DNPEP: variants seen among roughly 807,000 people sequenced by gnomAD.
DNPEP encodes the protein aspartyl aminopeptidase.
A neutral mutation model predicts 59.1 loss-of-function variants in DNPEP; 46 were observed. That is an observed-to-expected ratio of 0.78 (90% CI 0.61 to 0.99). DNPEP has a LOEUF of 0.99. Among genes scored for constraint, DNPEP ranks in the 50% least tolerant of loss-of-function variants. DNPEP has a pLI of 0.00. For missense variants in DNPEP, 617 were observed against 649.9 expected (o/e 0.95, Z 0.55); for synonymous variants, 229 against 242.2 (o/e 0.95, Z 0.50).
At chr2:219,392,992 T>C (rs532888467), upstream of DNPEP, among the ~76,000 whole-genome samples, 1 of 152,236 alleles carries the variant, frequency 6.6e-6, no homozygotes, top group African/African-American at 2.4e-5. Flanking sequence ...AACCAGCTCC[T>C]CCCCTGCTCC....
At chr2:219,377,166 T>A (rs1350400629) in intron 13 of DNPEP, among the ~76,000 whole-genome samples, 1 of 147,554 alleles carries the variant, frequency 6.8e-6, no homozygotes, top group Admixed American at 7.0e-5. Flanking sequence ...CCCAGCTACT[T>A]TGGAGGCTGA....
intron 1 of DNPEP, chr2:219,399,538 A>G (rs1333995031): frequency 1.9e-6 from 1 of 525,510 alleles, no homozygotes; most frequent in African/African-American, 1.9e-5. Context: ...CACCCTGAGA[A>G]ACACTAATCT....
upstream of DNPEP, chr2:219,393,668 T>G (rs1293132078): frequency 2.0e-5 from 3 of 152,302 alleles, no homozygotes; most frequent in East Asian, 1.9e-4. Context: ...GCCATTTGCT[T>G]CTTTGCTTTC....
Position 219,381,384 on chromosome 2 carries a change from G to C in DNPEP, c.1190C>G (p.Ser397Ter). 1 of 1,614,206 alleles carries C rather than the reference G, an allele frequency of 6.2e-7. No homozygotes were observed. Among genetic ancestry groups the C allele is most frequent in the Non-Finnish European group, 8.5e-7 (1 of 1,180,040 alleles). ...GGCCACCTCTCGGATCAGGGCCTCT[G>C]ACACCGCGTTTGAAGCATAGCGTTG... ...SKQRYASNAV[S>*]EALIREVANK... Residue 397 changes from serine to a stop codon, truncating the protein, a stop_gained, in exon 13 of 15, where the codon TCA becomes TGA. Transcript: ENST00000273075. LOFTEE classifies it high-confidence loss of function.
chr2:219,387,833 G>A lies in DNPEP; in HGVS notation c.-39C>T. ...TCGGCCCGCCCCCACCGCGCCGCCTGCCCCGCCCCTCACTAGCTTTGCAGG... is the reference window on the plus strand; with the variant it reads ...TCGGCCCGCCCCCACCGCGCCGCCTACCCCGCCCCTCACTAGCTTTGCAGG... On this transcript the variant is annotated 5_prime_UTR_variant, in exon 1 of 15. Transcript: ENST00000273075. The A allele has an allele frequency of 6.5e-7, 1 of 1,527,420 alleles. No individual in the cohort carries two copies. The highest frequency in any genetic ancestry group is 8.8e-7 in the Non-Finnish European group (1 of 1,142,312). 94.6% of individuals were successfully genotyped at this position (1,527,420 alleles called of 1,614,324 possible).
At chr2:219,385,945 C>T (rs993339738) in intron 6 of DNPEP, 23 bp downstream of exon 6, 3 of 1,612,954 alleles carry the variant, frequency 1.9e-6, no homozygotes, top group Non-Finnish European at 2.5e-6. Flanking sequence ...CTCCCAGCCA[C>T]CGCAGCCCTG....
chr2:219,374,202 A>G lies in DNPEP; in HGVS notation c.*90T>C. ...AAGCGTAGCACGGAGAGTCTGAGTG[A>G]CAATCCACTTTAATAATCCAGCTTC... On this transcript the variant is annotated 3_prime_UTR_variant, in exon 15 of 15. Transcript: ENST00000273075. 8.0e-7 allele frequency: 1 copy of G among 1,254,194 alleles called. No homozygotes were observed. Among genetic ancestry groups the G allele is most frequent in the Non-Finnish European group, 1.2e-6 (1 of 856,122 alleles). The allele number at this position is 1,254,194 out of a possible 1,614,324, so 77.7% of individuals were successfully genotyped here.
chr2:219,387,861 C>T lies in DNPEP; in HGVS notation c.-67G>A, dbSNP rs1199036553. The T allele has an allele frequency of 9.4e-6, 14 of 1,494,752 alleles. No individual in the cohort carries two copies. The highest frequency in any genetic ancestry group is 1.2e-5 in the Non-Finnish European group (14 of 1,123,880). 92.6% of individuals were successfully genotyped at this position (1,494,752 alleles called of 1,614,324 possible). On this transcript the variant is annotated 5_prime_UTR_variant, in exon 1 of 15. Coordinates refer to ENST00000273075, the MANE Select transcript of DNPEP (RefSeq NM_012100.4). ...CCGCCCCTCACTAGCTTTGCAGGTC[C>T]CCCGCGTGCCCCTTCAGGCCGCGCC...
exon 1 of DNPEP, chr2:219,399,989 C>A: frequency 7.4e-7 from 1 of 1,343,894 alleles, no homozygotes; most frequent in Non-Finnish European, 1.0e-6. Flanking sequence ...CCTTTTTTGC[C>A]GGATCCTTCC....
At chr2:219,399,478 G>C (rs190627733) in intron 1 of DNPEP, 1 of 465,564 alleles carries the variant, frequency 2.1e-6, no homozygotes, top group Non-Finnish European at 4.3e-6. Flanking sequence ...CTGAGGCCCA[G>C]GGATCTCCAC....
chr2:219,386,202 C>T (rs1166616417), intron 5 of DNPEP, 84 bp downstream of exon 5: 2 of 1,609,864 alleles, frequency 1.2e-6, no homozygotes, highest in African/African-American at 2.7e-5. Flanking sequence ...AGACTGCCCC[C>T]ACCCCTCTTC....
intron 1 of DNPEP, among the ~76,000 whole-genome samples, chr2:219,398,298 C>T (rs1954130811): frequency 6.6e-6 from 1 of 152,212 alleles, no homozygotes; most frequent in African/African-American, 2.4e-5. Context: ...AGTGCCTGGC[C>T]TGACATGTAG....
At chr2:219,399,009 T>G (rs1052073669) in intron 1 of DNPEP, among the ~76,000 whole-genome samples, 2 of 152,252 alleles carry the variant, frequency 1.3e-5, no homozygotes, top group Non-Finnish European at 2.9e-5. Flanking sequence ...TTACTTTCAG[T>G]TCGTATTTCT....
At chr2:219,383,413 T>C (rs1003734884) in intron 9 of DNPEP, among the ~76,000 whole-genome samples, 199 bp from the exon 10 acceptor site, 1 of 151,990 alleles carries the variant, frequency 6.6e-6, no homozygotes, top group African/African-American at 2.4e-5. Context: ...CTTTTTTTTC[T>C]TGCCAAATAA....
chr2:219,379,417 T>C (rs1470600955), intron 13 of DNPEP, among the ~76,000 whole-genome samples: 3 of 152,198 alleles, frequency 2.0e-5, no homozygotes, highest in African/African-American at 7.2e-5. Context: ...TGACCCTGTA[T>C]AGGCCTAGGC....
intron 8 of DNPEP, 96 bp from the exon 9 acceptor site, chr2:219,384,539 C>T: frequency 2.1e-6 from 2 of 967,714 alleles, no homozygotes; most frequent in Admixed American, 2.4e-5. Context: ...TGCGCAACCT[C>T]TCCCTGACCC....
chr2:219,387,258 G>A, intron 1 of DNPEP, 95 bp from the exon 2 acceptor site: 1 of 1,512,622 alleles, frequency 6.6e-7, no homozygotes, highest in Non-Finnish European at 8.9e-7. Context: ...CCCCAGAAGT[G>A]ACCACTCTAA....
intron 14 of DNPEP, 22 bp downstream of exon 14, chr2:219,374,833 G>A (rs758125703): frequency 6.2e-7 from 1 of 1,603,646 alleles, no homozygotes; most frequent in Non-Finnish European, 8.5e-7. Context: ...AGCTGCCAGA[G>A]AGGGTCTGGG....
chr2:219,377,806 C>T (rs933925749), intron 13 of DNPEP, among the ~76,000 whole-genome samples: 1 of 151,952 alleles, frequency 6.6e-6, no homozygotes, highest in South Asian at 2.1e-4. Context: ...ATCTGTAGTC[C>T]CAGCTACTTG....
Sources: gnomAD v4.1 joint callset for allele counts (sites outside exome capture counted in the v4.1 genomes callset) on GRCh38, gnomAD v4.1.1 for gene constraint, MANE v1.5 for transcripts, NCBI Gene and HGNC (gene_info 2026-07-23, HGNC 2026-07-21) for gene names.